SYCP2L: variants seen among roughly 807,000 people sequenced by gnomAD.
The protein encoded by SYCP2L is synaptonemal complex protein 2-like.
SYCP2L carries 98 observed loss-of-function variants against 125.8 expected under a neutral mutation model. The observed-to-expected ratio is 0.78, with a 90% CI of 0.66 to 0.92. SYCP2L has a LOEUF of 0.92. Ranked by LOEUF, SYCP2L falls within the 40% of genes least tolerant of loss-of-function variation. SYCP2L has a pLI of 0.00. For synonymous variants in SYCP2L, 317 were observed against 325.4 expected, an observed-to-expected ratio of 0.97 and a Z score of 0.28; for missense variants, 842 against 936.4, an observed-to-expected ratio of 0.90 and a Z score of 1.32.
Position 10,905,164 on chromosome 6 carries a change from AAAGAAG to A in SYCP2L, c.642-851_642-846del, listed in dbSNP as rs1332453339. Among the ~76,000 whole-genome samples, 1,414 of 143,032 alleles carry A rather than the reference AAAGAAG, an allele frequency of 9.9e-3. 65 individuals are homozygous for A. Among genetic ancestry groups the A allele is most frequent in the Non-Finnish European group, 0.011 (758 of 66,718 alleles). 93.8% of individuals were successfully genotyped at this position (143,032 alleles called of 152,430 possible). A position where few individuals can be genotyped will look rare whatever the true frequency, so the allele number is the denominator to read the frequency against. On this transcript the variant is annotated intron_variant, in intron 8 of 29. Coordinates refer to ENST00000283141, the MANE Select transcript of SYCP2L (RefSeq NM_001040274.3). ...TCTCAAAAAAAAAAAAAAAAAAAAA[AAAGAAG>A]AAGATCGACTCACACTTGTTAGCAT...
At position 10,891,578 on chromosome 6, in the gene SYCP2L, C is replaced by A; in HGVS notation, c.75C>A (p.Phe25Leu). 6.3e-7 allele frequency: 1 copy of A among 1,583,382 alleles called. No homozygotes were observed. The highest frequency in any genetic ancestry group is 8.6e-7 in the Non-Finnish European group (1 of 1,156,424). ...CTGGGAAGGCCCAGGATGATGCTTT[C>A]TGGGTAAAGATCAAGTTTCTTTTAT... ...DRTGKAQDDA[F>L]WLQSLITDAF... Residue 25 changes from phenylalanine (F) to leucine (L), a missense_variant, in exon 2 of 30, where the codon TTC (phenylalanine) becomes TTA (leucine). Coordinates refer to ENST00000283141, the MANE Select transcript of SYCP2L (RefSeq NM_001040274.3).
At chr6:10,917,760 CTTAAA>C (rs1392650666) in intron 14 of SYCP2L, among the ~76,000 whole-genome samples, 1 of 152,072 alleles carries the variant, frequency 6.6e-6, no homozygotes, top group African/African-American at 2.4e-5. Flanking sequence ...TGATTTATGC[CTTAAA>C]GAGGTTCTGT....
chr6:10,938,903 G>A (rs114410964), intron 21 of SYCP2L, among the ~76,000 whole-genome samples: 2,809 of 152,156 alleles, frequency 0.018, 89 homozygotes, highest in African/African-American at 0.065. Flanking sequence ...GGAGGATTAC[G>A]AGGTCAGGAG....
At chr6:10,933,955 T>C (rs1781045473) in intron 20 of SYCP2L, among the ~76,000 whole-genome samples, 1 of 152,228 alleles carries the variant, frequency 6.6e-6, no homozygotes, top group South Asian at 2.1e-4. Flanking sequence ...GGAAATATAA[T>C]TGAATCATTG....
chr6:10,945,769 TAAAAAAAAAAAAAA>T (rs56943517), intron 23 of SYCP2L, among the ~76,000 whole-genome samples: 2 of 93,268 alleles, frequency 2.1e-5, no homozygotes, highest in Non-Finnish European at 4.1e-5. Context: ...GACTCCATCT[TAAAAAAAAAAAAAA>T]AAAAAAAAAA....
At chr6:10,887,643 C>G (rs2153158) in intron 1 of SYCP2L, among the ~76,000 whole-genome samples, 150,827 of 152,318 alleles carry the variant, frequency 0.99, 74,695 homozygotes, top group Middle Eastern at 1. Flanking sequence ...CAAAAACCAC[C>G]TGGGGCGTGT....
chr6:10,901,782 A>G (rs1485503150), intron 6 of SYCP2L, among the ~76,000 whole-genome samples: 1 of 152,250 alleles, frequency 6.6e-6, no homozygotes, highest in Non-Finnish European at 1.5e-5. Context: ...AAATAGGCTT[A>G]AATGATAAAG....
At chr6:10,923,478 C>G (rs758244805) in intron 14 of SYCP2L, among the ~76,000 whole-genome samples, 1 of 139,040 alleles carries the variant, frequency 7.2e-6, no homozygotes, top group South Asian at 2.3e-4. Context: ...CTCCGCTTAG[C>G]GGGTTCAAGC....
intron 20 of SYCP2L, among the ~76,000 whole-genome samples, chr6:10,932,989 A>C (rs1781024475): frequency 6.6e-6 from 1 of 152,218 alleles, no homozygotes; most frequent in South Asian, 2.1e-4. Flanking sequence ...CCTGATCTCA[A>C]GTGATCCACC....
intron 21 of SYCP2L, among the ~76,000 whole-genome samples, chr6:10,939,603 C>T (rs1010239252): frequency 1.3e-5 from 2 of 152,070 alleles, no homozygotes; most frequent in African/African-American, 2.4e-5. Context: ...TTGAAAAGGG[C>T]ACCAAGAATA....
At position 10,907,649 on chromosome 6, in the gene SYCP2L, G is replaced by A. The variant is rs1244579448; in HGVS notation, c.784G>A (p.Ala262Thr). Residue 262 changes from alanine to threonine, a missense_variant, in exon 10 of 30, where the codon GCT becomes ACT. Ala to Thr is a moderately conservative substitution (Grantham distance 58). Transcript: ENST00000283141. ...KWFDDEVIAEAFKEIKDREFE... is the reference protein window; with the variant it reads ...KWFDDEVIAETFKEIKDREFE... The stretch of plus-strand genomic sequence containing the variant: ...GTTTGATGATGAAGTCATTGCTGAA[G>A]CTTTCAAAGAAATTAAGGATCGAGA... 1.2e-6 allele frequency: 2 copies of A among 1,612,826 alleles called. No individual in the cohort carries two copies. Among genetic ancestry groups the A allele is most frequent in the Non-Finnish European group, 1.7e-6 (2 of 1,179,684 alleles).
chr6:10,949,408 A>G (rs751926826), intron 23 of SYCP2L, among the ~76,000 whole-genome samples: 30 of 152,156 alleles, frequency 2.0e-4, no homozygotes, highest in Non-Finnish European at 2.6e-4. Flanking sequence ...AGCATATGGG[A>G]TACTTTTGTT....
At chr6:10,904,794 G>A (rs965325310) in intron 8 of SYCP2L, among the ~76,000 whole-genome samples, 1 of 152,074 alleles carries the variant, frequency 6.6e-6, no homozygotes, top group Non-Finnish European at 1.5e-5. Context: ...CTATCACAAG[G>A]TTTCTCAACA....
At chr6:10,920,404 AT>A (rs1193547508) in intron 14 of SYCP2L, among the ~76,000 whole-genome samples, 3 of 151,974 alleles carry the variant, frequency 2.0e-5, no homozygotes, top group Admixed American at 6.6e-5. Flanking sequence ...TTTAGTAGAG[AT>A]GGGGTTTTGC....
chr6:10,964,019 A>C (rs1442420019), intron 29 of SYCP2L, among the ~76,000 whole-genome samples, 176 bp downstream of exon 29: 4 of 148,624 alleles, frequency 2.7e-5, no homozygotes, highest in Non-Finnish European at 4.4e-5. Flanking sequence ...GTGCAGTGGC[A>C]TGATCTCGGC....
intron 25 of SYCP2L, among the ~76,000 whole-genome samples, chr6:10,956,933 C>T (rs1276487034): frequency 2.6e-5 from 4 of 152,072 alleles, no homozygotes; most frequent in African/African-American, 4.8e-5. Flanking sequence ...CTCAAGTGAT[C>T]CTCCCACCTA....
At chr6:10,921,864 C>T (rs896306496) in intron 14 of SYCP2L, among the ~76,000 whole-genome samples, 4 of 152,058 alleles carry the variant, frequency 2.6e-5, no homozygotes, top group Non-Finnish European at 5.9e-5. Context: ...CGCCACCACA[C>T]CTGGCTAATT....
intron 14 of SYCP2L, among the ~76,000 whole-genome samples, chr6:10,921,308 C>T (rs1780797596): frequency 1.3e-5 from 2 of 152,054 alleles, no homozygotes; most frequent in African/African-American, 4.8e-5. Flanking sequence ...GATTCCATGT[C>T]TTTGCTATTG....
intron 11 of SYCP2L, 115 bp from the exon 12 acceptor site, chr6:10,910,709 C>G: frequency 1.8e-6 from 2 of 1,099,196 alleles, no homozygotes; most frequent in South Asian, 1.3e-5. Flanking sequence ...CTATTGTACT[C>G]TGTACGAGGA....
Sources: allele counts gnomAD v4.1 joint callset (sites outside exome capture counted in the v4.1 genomes callset), GRCh38; gene constraint gnomAD v4.1.1; transcripts MANE v1.5; gene names NCBI Gene and HGNC (gene_info 2026-07-23, HGNC 2026-07-21).